Variants in FRMPD4 observed in about 807,000 individuals in gnomAD.
FRMPD4 encodes the protein FERM and PDZ domain containing 4, also known as FERM and PDZ domain-containing protein 4.
In FRMPD4, 22 loss-of-function variants were observed where a neutral mutation model predicts 94.1. The observed-to-expected ratio is 0.23, with a 90% CI of 0.17 to 0.33. The LOEUF (loss-of-function observed/expected upper bound fraction) is 0.33. FRMPD4 is among the 10% of genes least tolerant of loss of function. The pLI is 1.00. For synonymous variants in FRMPD4, 631 were observed against 548.6 expected (o/e 1.15, Z -2.10); for missense variants, 1,111 against 1,339.9 (o/e 0.83, Z 2.67).
chrX:12,494,291 A>G (rs781686423), intron 1 of FRMPD4, among the ~76,000 whole-genome samples: 40 of 111,843 alleles, frequency 3.6e-4, no homozygotes, highest in Non-Finnish European at 3.0e-4. Context: ...ATGTTTAGCA[A>G]TATACCTAGT....
intron 1 of FRMPD4, among the ~76,000 whole-genome samples, chrX:12,369,335 A>G (rs1489758807): frequency 9.0e-6 from 1 of 110,676 alleles, no homozygotes; most frequent in Non-Finnish European, 1.9e-5. Flanking sequence ...GATTTAAGAA[A>G]TCCTGTGTTA....
At chrX:12,223,958 C>G (rs183439793) in intron 1 of FRMPD4, among the ~76,000 whole-genome samples, 22 of 110,729 alleles carry the variant, frequency 2.0e-4, no homozygotes, top group African/African-American at 7.2e-4. Context: ...GTTTATCAGC[C>G]TCAGCACTAT....
At chrX:12,446,810 G>T (rs1393928605) in intron 1 of FRMPD4, among the ~76,000 whole-genome samples, 1 of 111,752 alleles carries the variant, frequency 8.9e-6, no homozygotes, top group East Asian at 2.8e-4. Context: ...CAGCATGAAG[G>T]CTGACTAATA....
chrX:12,645,949 G>A (rs2059544210), intron 4 of FRMPD4, among the ~76,000 whole-genome samples: 2 of 111,668 alleles, frequency 1.8e-5, no homozygotes, highest in African/African-American at 3.3e-5. Context: ...CATTAAAAAC[G>A]GAAATCACGA....
At chrX:12,463,022 C>T (rs753859720) in intron 1 of FRMPD4, among the ~76,000 whole-genome samples, 3 of 111,976 alleles carry the variant, frequency 2.7e-5, no homozygotes, top group Non-Finnish European at 3.8e-5. Context: ...TCATATCTAA[C>T]AATCATCAAT....
intron 1 of FRMPD4, among the ~76,000 whole-genome samples, chrX:12,457,368 T>C (rs1238646262): frequency 9.0e-6 from 1 of 111,452 alleles, no homozygotes; most frequent in Non-Finnish European, 1.9e-5. Flanking sequence ...CACTGGGCCA[T>C]GAAGAAAGAT....
intron 1 of FRMPD4, among the ~76,000 whole-genome samples, chrX:12,192,184 G>T (rs1198354764): frequency 8.9e-6 from 1 of 111,753 alleles, no homozygotes; most frequent in Non-Finnish European, 1.9e-5. Context: ...TTGTCTGCTG[G>T]TTGAAGCAAC....
chrX:12,146,180 G>A (rs1449505251), intron 1 of FRMPD4, among the ~76,000 whole-genome samples: 1 of 110,110 alleles, frequency 9.1e-6, no homozygotes, highest in Non-Finnish European at 1.9e-5. Flanking sequence ...TGGCTAACAC[G>A]GTCAAACCCC....
chrX:12,434,949 G>A (rs934575999), intron 1 of FRMPD4, among the ~76,000 whole-genome samples: 28 of 112,712 alleles, frequency 2.5e-4, no homozygotes, highest in African/African-American at 9.0e-4. Flanking sequence ...CAAAAATCTT[G>A]TTTCAGATTT....
chrX:12,454,815 G>GT (rs11443822), intron 1 of FRMPD4, among the ~76,000 whole-genome samples: 23,721 of 92,353 alleles, frequency 0.26, 2,779 homozygotes, highest in African/African-American at 0.38. Flanking sequence ...AGAAAGCCAC[G>GT]TTTTTTTTTT....
At chrX:12,192,752 C>T (rs1167956145) in intron 1 of FRMPD4, among the ~76,000 whole-genome samples, 1 of 111,437 alleles carries the variant, frequency 9.0e-6, no homozygotes, top group African/African-American at 3.3e-5. Flanking sequence ...GTGAGCCCCA[C>T]CCCAGAGCCT....
chrX:12,610,297 G>A (rs2059169040), intron 3 of FRMPD4, among the ~76,000 whole-genome samples: 1 of 112,499 alleles, frequency 8.9e-6, no homozygotes, highest in South Asian at 3.7e-4. Context: ...CTTCTCATTA[G>A]AGGCAAAATA....
intron 3 of FRMPD4, among the ~76,000 whole-genome samples, chrX:11,987,352 A>G (rs980946713): frequency 2.7e-5 from 3 of 111,170 alleles, no homozygotes; most frequent in Non-Finnish European, 3.8e-5. Context: ...CTGAAAAAGC[A>G]CTGGAGAAAA....
intron 3 of FRMPD4, among the ~76,000 whole-genome samples, chrX:12,093,872 C>A (rs2147499923): frequency 9.2e-6 from 1 of 108,621 alleles, no homozygotes; most frequent in South Asian, 4.1e-4. Flanking sequence ...TACAACATGG[C>A]ACCTCCTAGG....
intron 1 of FRMPD4, among the ~76,000 whole-genome samples, chrX:12,316,992 T>G (rs1033113750): frequency 8.9e-6 from 1 of 112,178 alleles, no homozygotes; most frequent in African/African-American, 3.2e-5. Flanking sequence ...TGAAAAATGT[T>G]TAGTTCAGAA....
rs1309143100 is a variant in FRMPD4, at chrX:12,410,471, G to A, written c.42-88209G>A. ...ATGGTGTGCTGCAAACTTGGTTTCTGAGAGATAACCACTTTGCACCAGTAA... is the reference window on the plus strand; with the variant it reads ...ATGGTGTGCTGCAAACTTGGTTTCTAAGAGATAACCACTTTGCACCAGTAA... On this transcript the variant is annotated intron_variant, in intron 1 of 16. Transcript: ENST00000675598. 2.7e-5 allele frequency among the ~76,000 whole-genome samples: 3 copies of A among 111,090 alleles called. No homozygotes were observed. The Admixed American group carries it at 2.9e-4, about 11-fold the overall frequency.
chrX:11,854,067 G>T (rs1569111813), intron 1 of FRMPD4, among the ~76,000 whole-genome samples: 1 of 112,049 alleles, frequency 8.9e-6, no homozygotes, highest in Non-Finnish European at 1.9e-5. Flanking sequence ...GGCTGAGGAG[G>T]CCTCAGGAAA....
At chrX:12,261,473 C>T (rs753152240) in intron 1 of FRMPD4, among the ~76,000 whole-genome samples, 13 of 111,451 alleles carry the variant, frequency 1.2e-4, no homozygotes, top group Non-Finnish European at 2.1e-4. Context: ...TACCCAAATG[C>T]ATACCACTAG....
At chrX:12,640,286 G>A (rs1313720450) in intron 4 of FRMPD4, among the ~76,000 whole-genome samples, 3 of 75,437 alleles carry the variant, frequency 4.0e-5, no homozygotes, top group Non-Finnish European at 7.3e-5. Flanking sequence ...ACGACAAAGT[G>A]AGGCTGTCTC....
Sources: allele counts gnomAD v4.1 joint callset (sites outside exome capture counted in the v4.1 genomes callset), GRCh38; gene constraint gnomAD v4.1.1; transcripts MANE v1.5; gene names NCBI Gene and HGNC (gene_info 2026-07-23, HGNC 2026-07-21).